The following PIK3C2G variants were observed in gnomAD, a reference collection of about 807,000 sequenced individuals.
PIK3C2G encodes phosphatidylinositol-4-phosphate 3-kinase catalytic subunit type 2 gamma.
A neutral mutation model predicts 181.1 loss-of-function variants in PIK3C2G; 168 were observed. The observed-to-expected ratio is 0.93, with a 90% CI of 0.82 to 1.05. The LOEUF (loss-of-function observed/expected upper bound fraction) is 1.05. Among genes scored for constraint, PIK3C2G ranks in the 50% least tolerant of loss-of-function variants. PIK3C2G has a pLI of 0.00. For synonymous variants in PIK3C2G, 573 were observed against 592.2 expected (o/e 0.97, Z 0.47); for missense variants, 1,869 against 1,732.8 (o/e 1.08, Z -1.40).
At chr12:18,670,210 G>C in the PIK3C2G span, among the ~76,000 whole-genome samples, 4 of 152,042 alleles carry the variant, frequency 2.6e-5, no homozygotes, top group African/African-American at 9.7e-5. Context: ...AAAATGAAAT[G>C]CTTTAGGAAA....
chr12:18,530,213 C>T (rs963017911), intron 24 of PIK3C2G, among the ~76,000 whole-genome samples: 3 of 151,898 alleles, frequency 2.0e-5, no homozygotes, highest in Non-Finnish European at 4.4e-5. Flanking sequence ...ACTTTTCTAC[C>T]CAATAAAAAT....
chr12:18,509,383 G>T (rs1228232748), intron 24 of PIK3C2G, among the ~76,000 whole-genome samples: 1 of 152,176 alleles, frequency 6.6e-6, no homozygotes, highest in Non-Finnish European at 1.5e-5. Flanking sequence ...CTAATTCATT[G>T]TGTATTAACT....
chr12:18,337,384 C>T (rs967431246), intron 8 of PIK3C2G, among the ~76,000 whole-genome samples: 2 of 152,006 alleles, frequency 1.3e-5, no homozygotes, highest in African/African-American at 4.8e-5. Flanking sequence ...GGCCAGCCTG[C>T]GTTGTTGATT....
At chr12:18,685,791 C>T in the PIK3C2G span, 1 of 351,828 alleles carries the variant, frequency 2.8e-6, no homozygotes, top group Admixed American at 2.9e-5. Flanking sequence ...ACACATGTGC[C>T]TCTGCCTCCC....
chr12:18,504,842 A>G (rs906536818), intron 23 of PIK3C2G, among the ~76,000 whole-genome samples: 3 of 152,250 alleles, frequency 2.0e-5, no homozygotes, highest in African/African-American at 7.2e-5. Flanking sequence ...CAGATTTCTC[A>G]GTATAGCTTT....
intron 5 of PIK3C2G, among the ~76,000 whole-genome samples, chr12:18,304,828 ACTTCAAATATTAAAATTC>A (rs1950353007): frequency 6.6e-6 from 1 of 152,198 alleles, no homozygotes; most frequent in Admixed American, 6.5e-5. Context: ...ACAGCCTAAG[ACTTCAAATATTAAAATTC>A]CTTCCAACTT....
At chr12:18,489,795 T>A (rs1940389393) in intron 19 of PIK3C2G, among the ~76,000 whole-genome samples, 1 of 152,168 alleles carries the variant, frequency 6.6e-6, no homozygotes, top group Non-Finnish European at 1.5e-5. Flanking sequence ...TTGGTCTTTA[T>A]CTCCTATGTT....
intron 24 of PIK3C2G, among the ~76,000 whole-genome samples, chr12:18,518,761 G>A (rs1281845466): frequency 2.0e-5 from 3 of 151,906 alleles, no homozygotes; most frequent in African/African-American, 7.3e-5. Context: ...GTTAATTCTT[G>A]TCTTCTAGCT....
chr12:18,453,489 C>T (rs898725574), intron 18 of PIK3C2G, among the ~76,000 whole-genome samples: 3 of 151,818 alleles, frequency 2.0e-5, no homozygotes, highest in Admixed American at 2.0e-4. Flanking sequence ...ACAATTTTTC[C>T]TCTTAGGAGT....
At chr12:18,295,854 T>A (rs1419090279) in intron 5 of PIK3C2G, among the ~76,000 whole-genome samples, 2 of 152,040 alleles carry the variant, frequency 1.3e-5, no homozygotes, top group Non-Finnish European at 2.9e-5. Context: ...GGAATATATA[T>A]TAGTCATTCA....
chr12:18,533,016 C>T (rs560958340), intron 24 of PIK3C2G, among the ~76,000 whole-genome samples: 1 of 152,024 alleles, frequency 6.6e-6, no homozygotes, highest in Non-Finnish European at 1.5e-5. Flanking sequence ...GAAAACTCAC[C>T]TCCATGTTGT....
At chr12:18,499,242 G>A (rs912076243) in intron 22 of PIK3C2G, among the ~76,000 whole-genome samples, 4 of 152,130 alleles carry the variant, frequency 2.6e-5, no homozygotes, top group African/African-American at 9.7e-5. Flanking sequence ...AGATTTCAGA[G>A]GGCATTATAC....
chr12:18,364,168 T>G (rs1941472345), intron 12 of PIK3C2G, among the ~76,000 whole-genome samples: 1 of 152,192 alleles, frequency 6.6e-6, no homozygotes, highest in Non-Finnish European at 1.5e-5. Context: ...GTCATTTGCA[T>G]CTTATCTACT....
intron 1 of PIK3C2G, among the ~76,000 whole-genome samples, chr12:18,263,294 G>A (rs1190861247): frequency 1.3e-5 from 2 of 151,986 alleles, no homozygotes; most frequent in Admixed American, 6.6e-5. Context: ...CTACATTGGG[G>A]ACAGAGAAAA....
chr12:18,290,377 A>G (rs1949640537), intron 3 of PIK3C2G, among the ~76,000 whole-genome samples: 1 of 152,210 alleles, frequency 6.6e-6, no homozygotes, highest in African/African-American at 2.4e-5. Flanking sequence ...AAAATTTTAA[A>G]GAAAATGGAG....
At chr12:18,327,894 T>A (rs1951418753) in intron 8 of PIK3C2G, among the ~76,000 whole-genome samples, 1 of 151,924 alleles carries the variant, frequency 6.6e-6, no homozygotes, top group Admixed American at 6.6e-5. Flanking sequence ...CATATCCACA[T>A]AAATAATATA....
intron 22 of PIK3C2G, among the ~76,000 whole-genome samples, chr12:18,501,111 T>C (rs1306831874): frequency 6.6e-6 from 1 of 152,124 alleles, no homozygotes; most frequent in African/African-American, 2.4e-5. Flanking sequence ...GCTGTAACAC[T>C]CACCGCGAAG....
At chr12:18,464,178 A>G (rs1948064954) in intron 18 of PIK3C2G, among the ~76,000 whole-genome samples, 1 of 152,060 alleles carries the variant, frequency 6.6e-6, no homozygotes, top group Non-Finnish European at 1.5e-5. Context: ...AAGTACTGTT[A>G]TTTTAAAAGT....
the PIK3C2G span, chr12:18,692,622 C>A: frequency 3.5e-6 from 2 of 575,848 alleles, no homozygotes; most frequent in African/African-American, 3.8e-5. Context: ...ATGAGGTCAA[C>A]CGCAATGGGG....
Sources: allele counts gnomAD v4.1 joint callset (sites outside exome capture counted in the v4.1 genomes callset), GRCh38; gene constraint gnomAD v4.1.1; transcripts MANE v1.5; gene names NCBI Gene and HGNC (gene_info 2026-07-23, HGNC 2026-07-21).